The following SHROOM1 variants were observed in gnomAD, a reference collection of about 807,000 sequenced individuals.
SHROOM1 encodes the protein protein Shroom1.
In SHROOM1, 53 loss-of-function variants were observed where a neutral mutation model predicts 64.2. The ratio of observed to expected loss-of-function variants is 0.83; its 90% CI spans 0.66 to 1.04. SHROOM1 has a LOEUF of 1.04. SHROOM1 is among the 50% of genes least tolerant of loss of function. The pLI is 0.00. For missense variants in SHROOM1, 1,179 were observed against 1,163.2 expected (o/e 1.01, Z -0.20); for synonymous variants, 490 against 518.9 (o/e 0.94, Z 0.76).
In SHROOM1 at chr5:132,830,194, G is replaced by A. The variant is rs901900395; in HGVS notation, c.-501+400C>T. On this transcript the variant is annotated intron_variant, in intron 1 of 9. Coordinates refer to ENST00000378679, the MANE Select transcript of SHROOM1 (RefSeq NM_001172700.2). This position sits in a 1 kb window ranked among gnomAD's most constrained non-coding sequence, Gnocchi z 5.9. ...GGGTTCACCGTCGGGGAAGGATCGC[G>A]CGCAGGGGACAGCGCGAGCCCGGGA... The A allele has an allele frequency of 6.1e-6, 6 of 985,192 alleles. No individual in the cohort carries two copies. The Admixed American group carries it at 3.7e-4, about 61-fold the overall frequency. 61.0% of individuals were successfully genotyped at this position (985,192 alleles called of 1,614,324 possible).
In SHROOM1 at chr5:132,826,018, G is replaced by A. The variant is rs1235516151; in HGVS notation, c.123C>T (p.Gly41=). 24 of 1,530,026 alleles carry A rather than the reference G, an allele frequency of 1.6e-5. No homozygotes were observed. The East Asian group carries it at 1.8e-4, about 12-fold the overall frequency. The allele number at this position is 1,530,026 out of a possible 1,614,324, so 94.8% of individuals were successfully genotyped here. Residue 41 remains glycine (G), a synonymous_variant, in exon 4 of 10, where the codon GGC becomes GGT. Coordinates refer to ENST00000378679, the MANE Select transcript of SHROOM1 (RefSeq NM_001172700.2). ...SAYSSFSAAS[G]GPEPRTQSPG... Reference sequence around the variant, plus strand: ...GCGACTGCGTGCGCGGCTCGGGGCCGCCGGAGGCTGCGGAGAAAGAGCTGT... The same window carrying A: ...GCGACTGCGTGCGCGGCTCGGGGCCACCGGAGGCTGCGGAGAAAGAGCTGT...
Position 132,825,274 on chromosome 5 carries a change from G to C in SHROOM1, c.867C>G (p.Ser289=). Residue 289 remains serine (S), a synonymous_variant, in exon 4 of 10, where the codon TCC becomes TCG. Coordinates refer to ENST00000378679, the MANE Select transcript of SHROOM1 (RefSeq NM_001172700.2). This position sits in a 1 kb window ranked among gnomAD's most constrained non-coding sequence, Gnocchi z 5.1. ...AGGCATCACCGAGCTTCAAGGACCC[G>C]GAGTCCAGGTTCATGGAGCCTTGGG... ...TQPQGSMNLD[S]GSLKLGDAFR... 6.2e-7 allele frequency: 1 copy of C among 1,613,410 alleles called. No homozygotes were observed. The highest frequency in any genetic ancestry group is 8.5e-7 in the Non-Finnish European group (1 of 1,179,910).
rs376960322 is a variant in SHROOM1, at chr5:132,825,082, G to A, written c.979-9C>T. 2.2e-4 allele frequency: 355 copies of A among 1,613,994 alleles called. No individual in the cohort carries two copies. The highest frequency in any genetic ancestry group is 9.9e-4 in the Middle Eastern group (6 of 6,084). Reference sequence around the variant, plus strand: ...GCTCCTTGGGGAACAGCCTGGAAGGGTGAACAGTCGACTGAAATGTGGCTC... The same window carrying A: ...GCTCCTTGGGGAACAGCCTGGAAGGATGAACAGTCGACTGAAATGTGGCTC... On this transcript the variant is annotated splice_polypyrimidine_tract_variant and intron_variant, in intron 4 of 9. Transcript: ENST00000378679. The surrounding 1 kb of genome is among the most constrained non-coding windows in gnomAD (Gnocchi z 5.1).
In SHROOM1 at chr5:132,822,351, C is replaced by CTTTTTTTTTTTTTTT. The variant is rs34378204; in HGVS notation, c.*430_*444dup. 6.0e-4 allele frequency: 35 copies of CTTTTTTTTTTTTTTT among 58,642 alleles called. 4 individuals are homozygous for CTTTTTTTTTTTTTTT. Among genetic ancestry groups the CTTTTTTTTTTTTTTT allele is most frequent in the Admixed American group, 8.5e-4 (3 of 3,546 alleles). 3.6% of individuals were successfully genotyped at this position (58,642 alleles called of 1,614,324 possible). ...ACATGAGAACACTTTGGAGAAGTAT[C>CTTTTTTTTTTTTTTT]TTTTTTTTTTTTTTTTTTTTTTTTT... is the stretch of plus-strand genomic sequence containing the variant. On this transcript the variant is annotated 3_prime_UTR_variant, in exon 10 of 10. Transcript: ENST00000378679.
At position 132,822,426 on chromosome 5, in the gene SHROOM1, C is replaced by G. The variant is rs1378339555; in HGVS notation, c.*370G>C. 1 of 130,388 alleles carries G rather than the reference C, an allele frequency of 7.7e-6. No homozygotes were observed. Among genetic ancestry groups the G allele is most frequent in the Non-Finnish European group, 1.5e-5 (1 of 67,258 alleles). 8.1% of individuals were successfully genotyped at this position (130,388 alleles called of 1,614,324 possible). ...TCGCCCAGGCTGGAGTGCAGTGGCG[C>G]GATGTCCGCTCACTGCAAGCTCCAC... On this transcript the variant is annotated 3_prime_UTR_variant, in exon 10 of 10. Coordinates refer to ENST00000378679, the MANE Select transcript of SHROOM1 (RefSeq NM_001172700.2).
chr5:132,823,327 GCA>G lies in SHROOM1; in HGVS notation c.2147_2148del (p.Leu716ProfsTer24). ...MADLERVLGL[L>X]LLLGSRLARV... ...CGCGCCAGGCGACTGCCCAGCAGCA[GCA>G]GAAGGCCAAGCACGCGCTCTAGGTC... On this transcript the variant is annotated frameshift_variant, in exon 9 of 10. Coordinates refer to ENST00000378679, the MANE Select transcript of SHROOM1 (RefSeq NM_001172700.2). LOFTEE classifies it high-confidence loss of function. The surrounding 1 kb of genome is among the most constrained non-coding windows in gnomAD (Gnocchi z 4.6). The G allele has an allele frequency of 6.2e-7, 1 of 1,604,928 alleles. No homozygotes were observed. The highest frequency in any genetic ancestry group is 8.5e-7 in the Non-Finnish European group (1 of 1,179,580).
In SHROOM1 at chr5:132,823,749, G is replaced by A. The variant is rs1218189975; in HGVS notation, c.1827C>T (p.Ser609=). 4 of 1,593,306 alleles carry A rather than the reference G, an allele frequency of 2.5e-6. No individual in the cohort carries two copies. In the East Asian group the frequency reaches 8.9e-5, roughly 36 times the overall value. ...STFEPGSYQF[S]FTQLLPAPRE... is the part of the protein sequence containing the mutation. The stretch of plus-strand genomic sequence containing the variant: ...GAGGAGCCGGCAGGAGCTGGGTGAA[G>A]CTGAACTGATAGGACCTGGGAACAA... The change falls in exon 8 of 10, where the codon AGC becomes AGT. Residue 609 remains serine (S), a synonymous_variant. Transcript: ENST00000378679. The surrounding 1 kb of genome is among the most constrained non-coding windows in gnomAD (Gnocchi z 4.6).
At position 132,830,097 on chromosome 5, in the gene SHROOM1, G is replaced by A; in HGVS notation, c.-501+497C>T. 3.0e-6 allele frequency: 3 copies of A among 985,424 alleles called. No homozygotes were observed. Among genetic ancestry groups the A allele is most frequent in the South Asian group, 4.7e-5 (1 of 21,290 alleles). 61.0% of individuals were successfully genotyped at this position (985,424 alleles called of 1,614,324 possible). On this transcript the variant is annotated intron_variant, in intron 1 of 9. Coordinates refer to ENST00000378679, the MANE Select transcript of SHROOM1 (RefSeq NM_001172700.2). The surrounding 1 kb of genome is among the most constrained non-coding windows in gnomAD (Gnocchi z 5.9). ...GGCGCAGGCCCCGGCGGCCGCAGGG[G>A]GCGGCAGAGACACGCGGAGCGGCTC...
In SHROOM1 at chr5:132,823,639, CTGT is replaced by C. The variant is rs1758538845; in HGVS notation, c.1934_1936del (p.Asn645del). On this transcript the variant is annotated inframe_deletion, in exon 8 of 10. Coordinates refer to ENST00000378679, the MANE Select transcript of SHROOM1 (RefSeq NM_001172700.2). This position sits in a 1 kb window ranked among gnomAD's most constrained non-coding sequence, Gnocchi z 4.6. ...TCCACTCACTTTCTTGCCCTGGATG[CTGT>C]TGTTTGGTGCAGGGAGCCCCTGCCC... is the stretch of plus-strand genomic sequence containing the variant. 7 of 1,597,796 alleles carry C rather than the reference CTGT, an allele frequency of 4.4e-6. No individual in the cohort carries two copies. The highest frequency in any genetic ancestry group is 6.0e-6 in the Non-Finnish European group (7 of 1,171,810).
In SHROOM1 at chr5:132,824,490, C is replaced by T. The variant is rs543906547; in HGVS notation, c.1242-71G>A. The stretch of plus-strand genomic sequence containing the variant: ...ACAAATGGTGGCCTCCAAGGGCCAT[C>T]TGTCCCTACCCCCATCACCTGGAAT... On this transcript the variant is annotated intron_variant, in intron 6 of 9. Coordinates refer to ENST00000378679, the MANE Select transcript of SHROOM1 (RefSeq NM_001172700.2). The T allele has an allele frequency of 3.3e-6, 5 of 1,518,140 alleles. No individual in the cohort carries two copies. In the African/African-American group the frequency reaches 5.6e-5, roughly 17 times the overall value. 94.0% of individuals were successfully genotyped at this position (1,518,140 alleles called of 1,614,324 possible). A position where few individuals can be genotyped will look rare whatever the true frequency, so the allele number is the denominator to read the frequency against.
chr5:132,825,848 G>T lies in SHROOM1; in HGVS notation c.293C>A (p.Thr98Lys). ...AVAARSGPQP[T>K]EVPGTPGPLN... ...TGGTCCCGGGGTCCCCGGGACCTCT[G>T]TTGGCTGCGGCCCACTGCGGGCTGC... is the stretch of plus-strand genomic sequence containing the variant. The change falls in exon 4 of 10, where the codon ACA becomes AAA. Residue 98 changes from threonine to lysine, a missense_variant. Thr to Lys is a moderately conservative substitution (Grantham distance 78). Coordinates refer to ENST00000378679, the MANE Select transcript of SHROOM1 (RefSeq NM_001172700.2). This position sits in a 1 kb window ranked among gnomAD's most constrained non-coding sequence, Gnocchi z 5.1. 2 of 1,282,842 alleles carry T rather than the reference G, an allele frequency of 1.6e-6. No homozygotes were observed. Among genetic ancestry groups the T allele is most frequent in the Non-Finnish European group, 2.0e-6 (2 of 1,011,770 alleles). The allele number at this position is 1,282,842 out of a possible 1,614,324, so 79.5% of individuals were successfully genotyped here.
chr5:132,825,542 C>G lies in SHROOM1; in HGVS notation c.599G>C (p.Arg200Pro). 2 of 1,432,012 alleles carry G rather than the reference C, an allele frequency of 1.4e-6. No individual in the cohort carries two copies. Among genetic ancestry groups the G allele is most frequent in the Non-Finnish European group, 1.8e-6 (2 of 1,100,926 alleles). 88.7% of individuals were successfully genotyped at this position (1,432,012 alleles called of 1,614,324 possible). Residue 200 changes from arginine to proline, a missense_variant, in exon 4 of 10, where the codon CGC becomes CCC. Physicochemically the swap from Arg to Pro is moderately radical, Grantham distance 103. Coordinates refer to ENST00000378679, the MANE Select transcript of SHROOM1 (RefSeq NM_001172700.2). The surrounding 1 kb of genome is among the most constrained non-coding windows in gnomAD (Gnocchi z 5.1). ...SHPGGEGEPA[R>P]SRAPAPGTAG... ...AGTTCCTGGCGCGGGAGCCCGGGAG[C>G]GCGCCGGCTCCCCCTCCCCGCCCGG...
Position 132,822,351 on chromosome 5 carries a change from C to CTTTTTTTTTTTTATTTT in SHROOM1, c.*444_*445insAAAATAAAAAAAAAAAA. 1.7e-5 allele frequency: 1 copy of CTTTTTTTTTTTTATTTT among 58,642 alleles called. No individual in the cohort carries two copies. Among genetic ancestry groups the CTTTTTTTTTTTTATTTT allele is most frequent in the Non-Finnish European group, 3.0e-5 (1 of 33,844 alleles). 3.6% of individuals were successfully genotyped at this position (58,642 alleles called of 1,614,324 possible). On this transcript the variant is annotated 3_prime_UTR_variant, in exon 10 of 10. Coordinates refer to ENST00000378679, the MANE Select transcript of SHROOM1 (RefSeq NM_001172700.2). ...ACATGAGAACACTTTGGAGAAGTAT[C>CTTTTTTTTTTTTATTTT]TTTTTTTTTTTTTTTTTTTTTTTTT...
rs1247503643 is a variant in SHROOM1, at chr5:132,830,512, C to A, written c.-501+82G>T. On this transcript the variant is annotated intron_variant, in intron 1 of 9. Coordinates refer to ENST00000378679, the MANE Select transcript of SHROOM1 (RefSeq NM_001172700.2). The surrounding 1 kb of genome is among the most constrained non-coding windows in gnomAD (Gnocchi z 5.9). ...CCGCCTCGCCGCCCGCTCTTCACCC[C>A]CGTCCGCCCGCAGCCCCGCCGGCCT... is the stretch of plus-strand genomic sequence containing the variant. 1.0e-6 allele frequency: 1 copy of A among 984,998 alleles called. No homozygotes were observed. The highest frequency in any genetic ancestry group is 1.2e-6 in the Non-Finnish European group (1 of 829,706). 61.0% of individuals were successfully genotyped at this position (984,998 alleles called of 1,614,324 possible).
Position 132,826,263 on chromosome 5 carries a change from G to C in SHROOM1, c.-43+14C>G. ...GCCTGCTGGCCCCGCCACCACGGACGGCCAGACACTTACACTTCCCCTCCC... is the reference window on the plus strand; with the variant it reads ...GCCTGCTGGCCCCGCCACCACGGACCGCCAGACACTTACACTTCCCCTCCC... On this transcript the variant is annotated intron_variant, in intron 3 of 9. Coordinates refer to ENST00000378679, the MANE Select transcript of SHROOM1 (RefSeq NM_001172700.2). 8.0e-7 allele frequency: 1 copy of C among 1,257,672 alleles called. No homozygotes were observed. Among genetic ancestry groups the C allele is most frequent in the Non-Finnish European group, 1.0e-6 (1 of 1,002,526 alleles). The allele number at this position is 1,257,672 out of a possible 1,614,324, so 77.9% of individuals were successfully genotyped here. A position where few individuals can be genotyped will look rare whatever the true frequency, so the allele number is the denominator to read the frequency against.
Position 132,822,703 on chromosome 5 carries a change from A to G in SHROOM1, c.*93T>C, listed in dbSNP as rs1380700224. The G allele has an allele frequency of 8.7e-6, 12 of 1,385,894 alleles. No homozygotes were observed. The highest frequency in any genetic ancestry group is 5.9e-5 in the South Asian group (4 of 68,170). 85.8% of individuals were successfully genotyped at this position (1,385,894 alleles called of 1,614,324 possible). ...AAAGGCCTGGACTGGGTCCTCCCCA[A>G]TCCCTCAAGGGAAAAGCAGAGACTA... On this transcript the variant is annotated 3_prime_UTR_variant, in exon 10 of 10. Coordinates refer to ENST00000378679, the MANE Select transcript of SHROOM1 (RefSeq NM_001172700.2).
In SHROOM1 at chr5:132,825,293, C is replaced by T. The variant is rs1172700511; in HGVS notation, c.848G>A (p.Gly283Asp). 6.2e-7 allele frequency: 1 copy of T among 1,612,988 alleles called. No homozygotes were observed. ...GGACCCGGAGTCCAGGTTCATGGAG[C>T]CTTGGGGTTGCGTCTCGGGCAGCCA... ...VGWLPETQPQ[G>D]SMNLDSGSLK... Residue 283 changes from glycine (G) to aspartate (D), a missense_variant, in exon 4 of 10, where the codon GGC becomes GAC. Transcript: ENST00000378679. This position sits in a 1 kb window ranked among gnomAD's most constrained non-coding sequence, Gnocchi z 5.1.
chr5:132,829,835 C>T (rs1758797525), intron 1 of SHROOM1: 1 of 985,506 alleles, frequency 1.0e-6, no homozygotes, highest in Non-Finnish European at 1.2e-6. Context: ...CCCCGTTCTC[C>T]CAGCCTGTCC....
chr5:132,827,397 A>T (rs1310371923), intron 2 of SHROOM1, 64 bp downstream of exon 2: 1 of 152,374 alleles, frequency 6.6e-6, no homozygotes, highest in Non-Finnish European at 1.5e-5. Context: ...TGGGCGGATC[A>T]CTAGGTAAAG....
Sources: gnomAD v4.1 joint callset for allele counts on GRCh38, gnomAD v4.1.1 for gene constraint, Gnocchi (gnomAD v3.1) non-coding constraint, MANE v1.5 for transcripts, NCBI Gene and HGNC (gene_info 2026-07-23, HGNC 2026-07-21) for gene names.